Variants in GALNT17 observed in about 807,000 individuals in gnomAD.
GALNT17 encodes the protein UDP-GalNAc:polypeptide N-acetylgalactosaminyltransferase-like 3.
Under a neutral mutation model 63.7 loss-of-function variants are expected in GALNT17, and 29 were observed. The ratio of observed to expected loss-of-function variants is 0.46; its 90% CI spans 0.34 to 0.62. The LOEUF is 0.62. Ranked by LOEUF, GALNT17 falls within the 20% of genes least tolerant of loss-of-function variation. GALNT17 has a pLI of 0.01. For missense variants in GALNT17, 603 were observed against 799.6 expected (o/e 0.75, Z 2.97); for synonymous variants, 305 against 318.3 (o/e 0.96, Z 0.45).
At chr7:71,391,945 G>A (rs1054821488) in intron 3 of GALNT17, among the ~76,000 whole-genome samples, 2 of 152,150 alleles carry the variant, frequency 1.3e-5, no homozygotes, top group South Asian at 4.1e-4. Context: ...CATGATGAGA[G>A]AGGGAACAAG....
At chr7:71,677,456 C>T in intron 9 of GALNT17, 150 bp downstream of exon 9, 1 of 670,924 alleles carries the variant, frequency 1.5e-6, no homozygotes. Context: ...AGGAGTCTTT[C>T]TGGTTATTTC....
chr7:71,381,222 A>T (rs1792841614), intron 2 of GALNT17, among the ~76,000 whole-genome samples: 1 of 151,448 alleles, frequency 6.6e-6, no homozygotes, highest in South Asian at 2.1e-4. Context: ...CTACCTCCCA[A>T]AGTGCTGGGA....
intron 1 of GALNT17, among the ~76,000 whole-genome samples, chr7:71,324,504 C>G (rs1004822446): frequency 3.3e-5 from 5 of 152,054 alleles, no homozygotes; most frequent in Non-Finnish European, 7.4e-5. Flanking sequence ...CACACACACA[C>G]AAAATAAGCT....
At chr7:71,316,400 C>G (rs1791501172) in intron 1 of GALNT17, among the ~76,000 whole-genome samples, 1 of 152,284 alleles carries the variant, frequency 6.6e-6, no homozygotes, top group Admixed American at 6.5e-5. Flanking sequence ...ATAGTATCTT[C>G]TCACGCCTGC....
rs752041920 is a variant in GALNT17, at chr7:71,281,552, G to A, written c.239-53998G>A. On this transcript the variant is annotated intron_variant, in intron 1 of 10. Transcript: ENST00000333538. ...CCAGAGAGTGCAGCAGGATCCATGG[G>A]CGGCTTCTCCATCCAGCTCTAATGA... Among the ~76,000 whole-genome samples, 95 of 152,242 alleles carry A rather than the reference G, an allele frequency of 6.2e-4. 1 individual carries two copies. In the Middle Eastern group the frequency reaches 0.014, roughly 22 times the overall value.
intron 1 of GALNT17, among the ~76,000 whole-genome samples, chr7:71,184,983 CCTTCCTTCCTTCCT>C (rs1788814767): frequency 2.4e-5 from 3 of 125,698 alleles, no homozygotes; most frequent in African/African-American, 9.9e-5. Context: ...TTCCTTCCTT[CCTTCCTTCCTTCCT>C]TCTTCCTTCC....
rs190647157 is a variant in GALNT17, at chr7:71,204,763, T to G, written c.238+71723T>G. ...TTTTTTTGTTTTTGTTTTTGTTTTT[T>G]GAAACAGAGTCTCACCCTGTCACCC... On this transcript the variant is annotated intron_variant, in intron 1 of 10. Coordinates refer to ENST00000333538, the MANE Select transcript of GALNT17 (RefSeq NM_022479.3). 2.9e-3 allele frequency among the ~76,000 whole-genome samples: 434 copies of G among 152,130 alleles called. 4 individuals are homozygous for G. The highest frequency in any genetic ancestry group is 9.8e-3 in the African/African-American group (408 of 41,510).
intron 5 of GALNT17, among the ~76,000 whole-genome samples, chr7:71,490,736 CA>C (rs1197655276): frequency 7.9e-5 from 12 of 151,424 alleles, no homozygotes; most frequent in Admixed American, 7.9e-4. Flanking sequence ...CCCATCTCTA[CA>C]AAATATAAAC....
At chr7:71,548,791 G>A (rs183389798) in intron 5 of GALNT17, among the ~76,000 whole-genome samples, 173 of 152,286 alleles carry the variant, frequency 1.1e-3, no homozygotes, top group African/African-American at 3.7e-3. Context: ...TCCTCAGAGC[G>A]GACACCTCCA....
chr7:71,570,230 G>A (rs1789416448), intron 5 of GALNT17, among the ~76,000 whole-genome samples: 1 of 152,026 alleles, frequency 6.6e-6, no homozygotes. Context: ...CCGACTTCAT[G>A]GTTACTCTAC....
At chr7:71,518,782 G>T (rs551358035) in intron 5 of GALNT17, among the ~76,000 whole-genome samples, 1 of 152,130 alleles carries the variant, frequency 6.6e-6, no homozygotes, top group East Asian at 1.9e-4. Context: ...GAAGGGAGTC[G>T]GAAGATTCTC....
chr7:71,682,124 G>A (rs1381743342), intron 9 of GALNT17, among the ~76,000 whole-genome samples: 2 of 151,940 alleles, frequency 1.3e-5, no homozygotes, highest in African/African-American at 2.4e-5. Context: ...ATGGTGTTTC[G>A]CCACGTTGGT....
At chr7:71,711,897 C>A in intron 10 of GALNT17, 121 bp from the exon 11 acceptor site, 1 of 1,125,854 alleles carries the variant, frequency 8.9e-7, no homozygotes, top group Non-Finnish European at 1.3e-6. Context: ...TTTCTCTTCT[C>A]TTTTTCTTTT....
At chr7:71,561,741 G>A (rs184585940) in intron 5 of GALNT17, among the ~76,000 whole-genome samples, 49 of 152,172 alleles carry the variant, frequency 3.2e-4, no homozygotes, top group Admixed American at 5.2e-4. Flanking sequence ...GAAAAGCAAG[G>A]GTAAGACATG....
At chr7:71,570,848 G>A (rs7803557) in intron 5 of GALNT17, among the ~76,000 whole-genome samples, 62,017 of 151,878 alleles carry the variant, frequency 0.41, 14,883 homozygotes, top group East Asian at 0.76. Flanking sequence ...GCATGGTGGC[G>A]CATCCTGTAA....
rs779161547 is a variant in GALNT17, at chr7:71,319,096, A to ATCTATCTTTCTT, written c.239-16451_239-16450insATCTTTCTTTCT. ...TCAGCTTGCTGAGCTATTTTTGTTT[A>ATCTATCTTTCTT]TCTTTCTTTCTTTCTTTCTTTCTTT... On this transcript the variant is annotated intron_variant, in intron 1 of 10. Transcript: ENST00000333538. Among the ~76,000 whole-genome samples, 82 of 131,950 alleles carry ATCTATCTTTCTT rather than the reference A, an allele frequency of 6.2e-4. 1 individual carries two copies. The highest frequency in any genetic ancestry group is 3.7e-3 in the Middle Eastern group (1 of 270). The allele number at this position is 131,950 out of a possible 152,430, so 86.6% of individuals were successfully genotyped here.
intron 1 of GALNT17, among the ~76,000 whole-genome samples, chr7:71,286,978 A>C (rs533252150): frequency 6.6e-6 from 1 of 151,970 alleles, no homozygotes; most frequent in South Asian, 2.1e-4. Flanking sequence ...TATTTTATAG[A>C]GACACGGAAC....
At chr7:71,346,762 G>C (rs192477853) in intron 2 of GALNT17, among the ~76,000 whole-genome samples, 3,649 of 140,126 alleles carry the variant, frequency 0.026, 98 homozygotes, top group East Asian at 0.099. Flanking sequence ...GGCGGGGGTG[G>C]GTGGGTGGGT....
At chr7:71,558,365 C>T (rs1022864173) in intron 5 of GALNT17, among the ~76,000 whole-genome samples, 3 of 151,460 alleles carry the variant, frequency 2.0e-5, no homozygotes, top group Non-Finnish European at 4.4e-5. Flanking sequence ...TTTGAATTTT[C>T]GTGTGTACAG....
Sources: allele counts gnomAD v4.1 joint callset (sites outside exome capture counted in the v4.1 genomes callset), GRCh38; gene constraint gnomAD v4.1.1; transcripts MANE v1.5; gene names NCBI Gene and HGNC (gene_info 2026-07-23, HGNC 2026-07-21).